The following TNR variants were observed in gnomAD, a reference collection of about 807,000 sequenced individuals.
The protein encoded by TNR is tenascin-R.
In TNR, 45 loss-of-function variants were observed where a neutral mutation model predicts 150.4. That is an observed-to-expected ratio of 0.30 (90% CI 0.24 to 0.38). The LOEUF (loss-of-function observed/expected upper bound fraction) is 0.38, where lower values mean the gene tolerates loss of function less well. Among genes scored for constraint, TNR ranks in the 10% least tolerant of loss-of-function variants. TNR has a pLI of 1.00. For missense variants in TNR, 1,544 were observed against 1,759.1 expected (o/e 0.88, Z 2.19); for synonymous variants, 687 against 678.4 (o/e 1.01, Z -0.20).
At chr1:175,476,593 C>T (rs1225802684) in intron 2 of TNR, among the ~76,000 whole-genome samples, 1 of 152,204 alleles carries the variant, frequency 6.6e-6, no homozygotes, top group Non-Finnish European at 1.5e-5. Flanking sequence ...AAATAATTCA[C>T]ATTCCACACT....
intron 1 of TNR, among the ~76,000 whole-genome samples, chr1:175,620,212 T>G (rs1430681409): frequency 6.6e-6 from 1 of 152,178 alleles, no homozygotes; most frequent in Admixed American, 6.5e-5. Context: ...ATAGGCAGGA[T>G]AGACAAAGTG....
intron 2 of TNR, among the ~76,000 whole-genome samples, chr1:175,514,340 A>T (rs947904017): frequency 6.6e-6 from 1 of 152,378 alleles, no homozygotes; most frequent in South Asian, 2.1e-4. Flanking sequence ...TGGAAAATGC[A>T]AGAAAACATG....
At chr1:175,549,738 A>T (rs1271918319) in intron 1 of TNR, among the ~76,000 whole-genome samples, 1 of 152,202 alleles carries the variant, frequency 6.6e-6, no homozygotes. Flanking sequence ...GAGATTCATC[A>T]ACAGCCAGCA....
rs1557860932 is a variant in TNR at position 175,321,822 on chromosome 1, T to C, written c.*1535A>G. 6.6e-6 allele frequency: 1 copy of C among 152,190 alleles called. No individual in the cohort carries two copies. The highest frequency in any genetic ancestry group is 1.5e-5 in the Non-Finnish European group (1 of 68,040). The allele number at this position is 152,190 out of a possible 1,614,324, so 9.4% of individuals were successfully genotyped here. A position where few individuals can be genotyped will look rare whatever the true frequency, so the allele number is the denominator to read the frequency against. On this transcript the variant is annotated 3_prime_UTR_variant, in exon 23 of 23. Coordinates refer to ENST00000367674, the MANE Select transcript of TNR (RefSeq NM_003285.3). ...GAATAATAAAAGAAGATGGAAAGGC[T>C]TCTCATGATCTCACCTCATTAAGAA...
At chr1:175,594,121 C>G (rs1286112355) in intron 1 of TNR, among the ~76,000 whole-genome samples, 1 of 152,174 alleles carries the variant, frequency 6.6e-6, no homozygotes, top group Non-Finnish European at 1.5e-5. Flanking sequence ...CCCCATGGAA[C>G]ACTTTCTAAA....
At chr1:175,689,841 C>T (rs957055130) in intron 1 of TNR, among the ~76,000 whole-genome samples, 4 of 152,214 alleles carry the variant, frequency 2.6e-5, no homozygotes, top group Admixed American at 1.3e-4. Context: ...TTCTTTCTCA[C>T]TAAGTCCTTT....
rs186972995 is a variant in TNR at position 175,449,984 on chromosome 1, A to G, written c.-63-43207T>C. Reference sequence around the variant, plus strand: ...GCGACACCTGCTCATCCTGTAGTGCAGGCTCACTGTCCCACCATGCCTATT... The same window carrying G: ...GCGACACCTGCTCATCCTGTAGTGCGGGCTCACTGTCCCACCATGCCTATT... On this transcript the variant is annotated intron_variant, in intron 2 of 22. Coordinates refer to ENST00000367674, the MANE Select transcript of TNR (RefSeq NM_003285.3). Among the ~76,000 whole-genome samples the G allele has an allele frequency of 1.6e-3, 246 of 152,272 alleles. 1 individual carries two copies. The highest frequency in any genetic ancestry group is 4.0e-3 in the Admixed American group (61 of 15,298).
intron 1 of TNR, among the ~76,000 whole-genome samples, chr1:175,578,347 T>C (rs752943120): frequency 6.6e-6 from 1 of 151,174 alleles, no homozygotes; most frequent in Non-Finnish European, 1.5e-5. Context: ...GTAAACAAGA[T>C]TGATAAAAGA....
chr1:175,315,815 T>C lies in TNR; in HGVS notation c.*7542A>G, dbSNP rs1227529110. 7.1e-5 allele frequency: 1 copy of C among 14,088 alleles called. No homozygotes were observed. Among genetic ancestry groups the C allele is most frequent in the Non-Finnish European group, 1.6e-4 (1 of 6,216 alleles). 0.9% of individuals were successfully genotyped at this position (14,088 alleles called of 1,614,324 possible). A position where few individuals can be genotyped will look rare whatever the true frequency, so the allele number is the denominator to read the frequency against. On this transcript the variant is annotated 3_prime_UTR_variant, in exon 23 of 23. Transcript: ENST00000367674. ...GTGCATGCATGTGTGTGTGTGCATG[T>C]GTGTGTGTGTGTGTGTGTGTGTGTG... is the stretch of plus-strand genomic sequence containing the variant.
intron 1 of TNR, among the ~76,000 whole-genome samples, chr1:175,548,632 T>C (rs1279686632): frequency 6.7e-6 from 1 of 149,830 alleles, no homozygotes; most frequent in Non-Finnish European, 1.5e-5. Flanking sequence ...TACCTGCTAC[T>C]GGCTCTCCTC....
At chr1:175,388,095 AAATT>A (rs1164527764) in intron 7 of TNR, among the ~76,000 whole-genome samples, 1 of 152,156 alleles carries the variant, frequency 6.6e-6, no homozygotes, top group African/African-American at 2.4e-5. Context: ...CATTTAATTT[AAATT>A]AATTATGAAA....
intron 1 of TNR, among the ~76,000 whole-genome samples, chr1:175,591,488 A>G (rs988038914): frequency 8.5e-5 from 13 of 152,176 alleles, no homozygotes; most frequent in African/African-American, 3.1e-4. Context: ...ATCTCTCCCC[A>G]ACCACTGCCG....
chr1:175,450,308 A>G (rs1050332539), intron 2 of TNR, among the ~76,000 whole-genome samples: 17 of 152,198 alleles, frequency 1.1e-4, no homozygotes, highest in African/African-American at 4.1e-4. Flanking sequence ...CTCTCCCCTC[A>G]GAACCTCACC....
intron 1 of TNR, among the ~76,000 whole-genome samples, chr1:175,687,379 G>C (rs899141976): frequency 2.6e-5 from 4 of 152,068 alleles, no homozygotes; most frequent in African/African-American, 9.7e-5. Context: ...CTTTACCCCT[G>C]CATTACGGTC....
intron 2 of TNR, among the ~76,000 whole-genome samples, chr1:175,428,389 C>G (rs893245242): frequency 6.6e-6 from 1 of 152,120 alleles, no homozygotes; most frequent in Admixed American, 6.5e-5. Context: ...GCTACTATGG[C>G]TGGGTTTCAA....
At chr1:175,538,913 C>T (rs1351509322) in intron 1 of TNR, 2 of 152,244 alleles carry the variant, frequency 1.3e-5, no homozygotes, top group Non-Finnish European at 2.9e-5. Context: ...TCAACCTAGT[C>T]AGAGCTGGCC....
rs1649532979 is a variant in TNR at position 175,328,393 on chromosome 1, G to T, written c.3793+1681C>A. Among the ~76,000 whole-genome samples the T allele has an allele frequency of 1.3e-5, 2 of 152,174 alleles. 1 individual carries two copies. The highest frequency in any genetic ancestry group is 4.1e-4 in the South Asian group (2 of 4,830). On this transcript the variant is annotated intron_variant, in intron 21 of 22. Coordinates refer to ENST00000367674, the MANE Select transcript of TNR (RefSeq NM_003285.3). Reference sequence around the variant, plus strand: ...GGAGCAGGAGAAAAGGCTGAACTTGGATCGGAGGCCCTGGAGATGGGTTGA... The same window carrying T: ...GGAGCAGGAGAAAAGGCTGAACTTGTATCGGAGGCCCTGGAGATGGGTTGA...
chr1:175,692,789 G>A (rs1363623150), intron 1 of TNR, among the ~76,000 whole-genome samples: 1 of 152,140 alleles, frequency 6.6e-6, no homozygotes, highest in Non-Finnish European at 1.5e-5. Flanking sequence ...TTCAAGGTGT[G>A]CAGACAAACA....
intron 2 of TNR, among the ~76,000 whole-genome samples, chr1:175,473,347 C>A (rs1034143867): frequency 1.3e-5 from 2 of 152,136 alleles, no homozygotes; most frequent in Non-Finnish European, 2.9e-5. Context: ...CACCAGCAGC[C>A]CCCCAGAGAT....
Sources: allele counts gnomAD v4.1 joint callset (sites outside exome capture counted in the v4.1 genomes callset), GRCh38; gene constraint gnomAD v4.1.1; transcripts MANE v1.5; gene names NCBI Gene and HGNC (gene_info 2026-07-23, HGNC 2026-07-21).